Variants in CORO2A observed in about 807,000 individuals in gnomAD.
The protein encoded by CORO2A is coronin-2A.
Under a neutral mutation model 62.4 loss-of-function variants are expected in CORO2A, and 47 were observed. The observed-to-expected ratio is 0.75, with a 90% CI of 0.60 to 0.96. CORO2A has a LOEUF of 0.96. CORO2A is among the 40% of genes least tolerant of loss of function. The pLI is 0.00. For missense variants in CORO2A, 610 were observed against 684.1 expected, an observed-to-expected ratio of 0.89 and a Z score of 1.21; for synonymous variants, 273 against 268.9, an observed-to-expected ratio of 1.02 and a Z score of -0.15.
At chr9:98,168,429 C>T (rs1430823777) in intron 1 of CORO2A, among the ~76,000 whole-genome samples, 1 of 152,200 alleles carries the variant, frequency 6.6e-6, no homozygotes, top group Non-Finnish European at 1.5e-5. Flanking sequence ...CACATACCAA[C>T]TCAACCCTCA....
At chr9:98,136,393 C>T (rs879321685) in intron 3 of CORO2A, among the ~76,000 whole-genome samples, 2 of 152,242 alleles carry the variant, frequency 1.3e-5, no homozygotes, top group African/African-American at 2.4e-5. Context: ...TTTCTGCCTT[C>T]CTTTCCTGAT....
At chr9:98,139,530 G>A (rs1827538526) in intron 2 of CORO2A, among the ~76,000 whole-genome samples, 1 of 152,210 alleles carries the variant, frequency 6.6e-6, no homozygotes, top group Non-Finnish European at 1.5e-5. Flanking sequence ...GGGAGACTGA[G>A]GCAGGAGAAT....
chr9:98,189,038 C>T (rs1385293309), intron 1 of CORO2A, among the ~76,000 whole-genome samples: 1 of 152,148 alleles, frequency 6.6e-6, no homozygotes, highest in Non-Finnish European at 1.5e-5. Context: ...TCCTTGTCCC[C>T]ACCACACCCT....
chr9:98,141,436 C>T (rs895685458), intron 2 of CORO2A, among the ~76,000 whole-genome samples: 3 of 151,576 alleles, frequency 2.0e-5, no homozygotes, highest in African/African-American at 4.9e-5. Flanking sequence ...ACTGCAACCT[C>T]CACCTCCCAG....
At chr9:98,133,313 C>G in intron 4 of CORO2A, 96 bp from the exon 5 acceptor site, 1 of 1,265,724 alleles carries the variant, frequency 7.9e-7, no homozygotes, top group African/African-American at 1.5e-5. Flanking sequence ...CACAGTATCC[C>G]TGGGAGGGTG....
Position 98,148,394 on chromosome 9 carries a change from CAAAA to C in CORO2A, c.201+9062_201+9065del, listed in dbSNP as rs34087370. Among the ~76,000 whole-genome samples the C allele has an allele frequency of 2.9e-5, 3 of 104,016 alleles. 1 individual carries two copies. The highest frequency in any genetic ancestry group is 7.3e-5 in the African/African-American group (2 of 27,286). The allele number at this position is 104,016 out of a possible 152,430, so 68.2% of individuals were successfully genotyped here. A position where few individuals can be genotyped will look rare whatever the true frequency, so the allele number is the denominator to read the frequency against. Reference sequence around the variant, plus strand: ...TGGGCGACAGAGCGAGACTCCATCTCAAAAAAAAAAAAAAAATAAGATAAATAAA... The same window carrying C: ...TGGGCGACAGAGCGAGACTCCATCTCAAAAAAAAAAAATAAGATAAATAAA... On this transcript the variant is annotated intron_variant, in intron 2 of 11. Coordinates refer to ENST00000375077, the MANE Select transcript of CORO2A (RefSeq NM_052820.4).
rs1390673852 is a variant in CORO2A, at chr9:98,158,758, T to C, written c.1-1098A>G. ...AGGATGAGGGAGAGCTGGGGGAAGG[T>C]GTCTTAGGCAGATAGAACAGTTTGG... On this transcript the variant is annotated intron_variant, in intron 1 of 11. Coordinates refer to ENST00000375077, the MANE Select transcript of CORO2A (RefSeq NM_052820.4). 4.0e-4 allele frequency among the ~76,000 whole-genome samples: 60 copies of C among 151,888 alleles called. 1 individual carries two copies. The highest frequency in any genetic ancestry group is 1.5e-4 in the Non-Finnish European group (10 of 67,958).
intron 9 of CORO2A, 143 bp from the exon 10 acceptor site, chr9:98,128,403 G>A (rs777970377): frequency 1.6e-5 from 13 of 804,686 alleles, no homozygotes; most frequent in South Asian, 3.3e-5. Flanking sequence ...GGACTTGCCC[G>A]AGGTCACGCA....
At chr9:98,149,961 A>G (rs1306583053) in intron 2 of CORO2A, among the ~76,000 whole-genome samples, 1 of 149,534 alleles carries the variant, frequency 6.7e-6, no homozygotes, top group Admixed American at 6.7e-5. Flanking sequence ...AGAGTCTCGC[A>G]CTGTTGCCTG....
At chr9:98,148,586 A>G (rs186827726) in intron 2 of CORO2A, among the ~76,000 whole-genome samples, 18 of 151,966 alleles carry the variant, frequency 1.2e-4, no homozygotes, top group African/African-American at 4.3e-4. Context: ...CATAAAAAAT[A>G]TACAAAAATT....
intron 3 of CORO2A, among the ~76,000 whole-genome samples, chr9:98,136,674 T>C (rs954184923): frequency 7.2e-5 from 11 of 152,232 alleles, no homozygotes; most frequent in African/African-American, 2.4e-4. Context: ...TGTGTAACAT[T>C]AGGCAAATTG....
chr9:98,127,003 C>A (rs1827331248), intron 10 of CORO2A, 180 bp from the exon 11 acceptor site: 2 of 662,880 alleles, frequency 3.0e-6, no homozygotes, highest in Admixed American at 2.9e-5. Context: ...CTAACAGATA[C>A]AAATACCCAC....
chr9:98,183,550 G>T (rs945474299), intron 1 of CORO2A, among the ~76,000 whole-genome samples: 1 of 152,122 alleles, frequency 6.6e-6, no homozygotes, highest in African/African-American at 2.4e-5. Flanking sequence ...ATACATAGTT[G>T]GCCCTCTGTA....
Position 98,123,062 on chromosome 9 carries a change from G to C in CORO2A, c.*1712C>G, listed in dbSNP as rs894143363. On this transcript the variant is annotated 3_prime_UTR_variant, in exon 12 of 12. Coordinates refer to ENST00000375077, the MANE Select transcript of CORO2A (RefSeq NM_052820.4). ...GGTTTCAGGTGGCAGATCCTGCAGA[G>C]AGCAGCTTGTTCCAGGGTACCCCTG... 1.3e-5 allele frequency: 2 copies of C among 152,286 alleles called. No homozygotes were observed. Among genetic ancestry groups the C allele is most frequent in the Non-Finnish European group, 2.9e-5 (2 of 68,086 alleles). 9.4% of individuals were successfully genotyped at this position (152,286 alleles called of 1,614,324 possible). A position where few individuals can be genotyped will look rare whatever the true frequency, so the allele number is the denominator to read the frequency against.
intron 1 of CORO2A, among the ~76,000 whole-genome samples, chr9:98,190,533 C>T (rs1287835352): frequency 6.6e-6 from 1 of 152,092 alleles, no homozygotes. Flanking sequence ...GTGACCTTTG[C>T]CCAGTCACAT....
intron 1 of CORO2A, among the ~76,000 whole-genome samples, chr9:98,165,307 A>C (rs1827944277): frequency 1.3e-5 from 2 of 152,204 alleles, no homozygotes; most frequent in Non-Finnish European, 2.9e-5. Context: ...GACTTTGTCA[A>C]GTTGTCTGCG....
chr9:98,126,546 C>T lies in CORO2A; in HGVS notation c.1446+3G>A, dbSNP rs753607370. The stretch of plus-strand genomic sequence containing the variant: ...GAAAGGCCCACCCCGTCCTCCTTCA[C>T]ACCTCATTCTCTGTCTTTGGTGGGG... On this transcript the variant is annotated splice_donor_region_variant and intron_variant, in intron 11 of 11. Coordinates refer to ENST00000375077, the MANE Select transcript of CORO2A (RefSeq NM_052820.4). 4.3e-6 allele frequency: 7 copies of T among 1,611,938 alleles called. 1 individual carries two copies. In the South Asian group the frequency reaches 5.5e-5, roughly 13 times the overall value.
At chr9:98,184,131 T>C (rs1234357268) in intron 1 of CORO2A, among the ~76,000 whole-genome samples, 1 of 152,192 alleles carries the variant, frequency 6.6e-6, no homozygotes, top group Non-Finnish European at 1.5e-5. Context: ...TTTGATATCC[T>C]TGGGTGTCCT....
Position 98,184,232 on chromosome 9 carries a change from A to T in CORO2A, c.-1+8327T>A, listed in dbSNP as rs971118027. Among the ~76,000 whole-genome samples the T allele has an allele frequency of 4.7e-5, 7 of 148,982 alleles. No homozygotes were observed. The South Asian group carries it at 1.1e-3, about 23-fold the overall frequency. On this transcript the variant is annotated intron_variant, in intron 1 of 11. Coordinates refer to ENST00000375077, the MANE Select transcript of CORO2A (RefSeq NM_052820.4). Reference sequence around the variant, plus strand: ...ATCAAGTATAAAATTATTTTATTTTATTTTTTTTTTTAATAGAGGCAATGT... The same window carrying T: ...ATCAAGTATAAAATTATTTTATTTTTTTTTTTTTTTTAATAGAGGCAATGT...
Sources: allele counts gnomAD v4.1 joint callset (sites outside exome capture counted in the v4.1 genomes callset), GRCh38; gene constraint gnomAD v4.1.1; transcripts MANE v1.5; gene names NCBI Gene and HGNC (gene_info 2026-07-23, HGNC 2026-07-21).